Variants in PDS5B observed in about 807,000 individuals in gnomAD.
PDS5B encodes PDS5 cohesin associated factor B, also known as sister chromatid cohesion protein PDS5 homolog B.
A neutral mutation model predicts 184.1 loss-of-function variants in PDS5B; 51 were observed. The ratio of observed to expected loss-of-function variants is 0.28; its 90% CI spans 0.22 to 0.35. PDS5B has a LOEUF of 0.35. Among genes scored for constraint, PDS5B ranks in the 10% least tolerant of loss-of-function variants. The pLI is 1.00. For synonymous variants in PDS5B, 566 were observed against 569.2 expected (o/e 0.99, Z 0.08); for missense variants, 1,180 against 1,723.3 (o/e 0.68, Z 5.58).
chr13:32,679,909 G>GTGTGTGTGTGTGTGTGTC (rs148914027), intron 10 of PDS5B, among the ~76,000 whole-genome samples: 3 of 149,386 alleles, frequency 2.0e-5, no homozygotes, highest in Non-Finnish European at 3.0e-5. Context: ...GTGTGTGTGT[G>GTGTGTGTGTGTGTGTGTC]TGTGTGTCTG....
intron 1 of PDS5B, among the ~76,000 whole-genome samples, chr13:32,615,769 T>C (rs1437231375): frequency 6.6e-6 from 1 of 152,196 alleles, no homozygotes; most frequent in Non-Finnish European, 1.5e-5. Flanking sequence ...AAATATCTCA[T>C]GGTTGCTGGA....
intron 19 of PDS5B, among the ~76,000 whole-genome samples, chr13:32,716,394 C>T (rs548202976): frequency 2.0e-4 from 31 of 151,878 alleles, no homozygotes; most frequent in South Asian, 1.0e-3. Context: ...CCAGCCACCC[C>T]GTTTGAGAAG....
chr13:32,665,255 T>TG, intron 6 of PDS5B, among the ~76,000 whole-genome samples: 1 of 151,986 alleles, frequency 6.6e-6, no homozygotes, highest in African/African-American at 2.4e-5. Flanking sequence ...GCAATAAAGG[T>TG]CTAAATGTGA....
chr13:32,615,512 C>G (rs1156363965), intron 1 of PDS5B, among the ~76,000 whole-genome samples: 1 of 152,164 alleles, frequency 6.6e-6, no homozygotes, highest in East Asian at 1.9e-4. Flanking sequence ...ATGGCTCCTA[C>G]TGGGATCGAT....
chr13:32,679,897 G>GTC (rs1951186929), intron 10 of PDS5B, among the ~76,000 whole-genome samples: 1 of 139,810 alleles, frequency 7.2e-6, no homozygotes, highest in Non-Finnish European at 1.6e-5. Flanking sequence ...GTGTGTGTGT[G>GTC]TGTGTGTGTG....
intron 1 of PDS5B, among the ~76,000 whole-genome samples, chr13:32,590,788 C>A (rs1325808253): frequency 6.6e-6 from 1 of 152,000 alleles, no homozygotes; most frequent in Admixed American, 6.6e-5. Flanking sequence ...AGTTAGCTTT[C>A]AGATATGGGA....
intron 1 of PDS5B, among the ~76,000 whole-genome samples, chr13:32,629,675 A>G (rs1384641528): frequency 1.3e-5 from 2 of 152,116 alleles, no homozygotes; most frequent in African/African-American, 4.8e-5. Flanking sequence ...TTGGTTTTGT[A>G]CCTTGCTTAC....
chr13:32,603,174 C>G (rs542505182), intron 1 of PDS5B, among the ~76,000 whole-genome samples: 3 of 152,194 alleles, frequency 2.0e-5, no homozygotes, highest in African/African-American at 7.2e-5. Flanking sequence ...TTGCCCATGC[C>G]TATGTCCTGA....
chr13:32,642,886 C>A (rs1593317743), intron 1 of PDS5B, among the ~76,000 whole-genome samples: 1 of 152,060 alleles, frequency 6.6e-6, no homozygotes, highest in Non-Finnish European at 1.5e-5. Context: ...AGGATAATTT[C>A]AGAATCAACT....
intron 13 of PDS5B, among the ~76,000 whole-genome samples, chr13:32,692,440 T>TTTTTTTTTTTTTTTTTTTA: frequency 7.0e-6 from 1 of 143,406 alleles, no homozygotes. Context: ...TTTTTTTTTT[T>TTTTTTTTTTTTTTTTTTTA]TTGAGATAGA....
At chr13:32,655,808 G>T (rs976021845) in intron 3 of PDS5B, among the ~76,000 whole-genome samples, 1 of 152,036 alleles carries the variant, frequency 6.6e-6, no homozygotes, top group African/African-American at 2.4e-5. Context: ...CTATTTTGCT[G>T]TGCAGAAGCT....
At chr13:32,686,587 C>T (rs989417907) in intron 11 of PDS5B, among the ~76,000 whole-genome samples, 1 of 152,074 alleles carries the variant, frequency 6.6e-6, no homozygotes, top group Non-Finnish European at 1.5e-5. Context: ...AGTTCGAGAC[C>T]AGCCTGGGCA....
At position 32,720,648 on chromosome 13, in the gene PDS5B, A is replaced by AT. The variant is rs1367283202; in HGVS notation, c.2123+10549dup. On this transcript the variant is annotated intron_variant, in intron 19 of 34. Transcript: ENST00000315596. ...ATTTATTTTATTATTTTTTTTTAAA[A>AT]TTTTTTTAGTATTTATTGATCATTC... is the stretch of plus-strand genomic sequence containing the variant. Among the ~76,000 whole-genome samples, 6 of 150,390 alleles carry AT rather than the reference A, an allele frequency of 4.0e-5. No homozygotes were observed. The South Asian group carries it at 1.1e-3, about 26-fold the overall frequency.
chr13:32,672,097 A>C (rs917826549), intron 7 of PDS5B, among the ~76,000 whole-genome samples: 7 of 152,172 alleles, frequency 4.6e-5, no homozygotes, highest in Admixed American at 4.6e-4. Context: ...GTGTGCTTTT[A>C]ATTGGATTTT....
In PDS5B at chr13:32,675,964, A is replaced by G. The variant is rs775213840; in HGVS notation, c.962+5A>G. ...TTGGCAGTGCTACTTGGGCAGGTAT[A>G]TGATTTTGGTTTCCCATTTAAAAGT... is the stretch of plus-strand genomic sequence containing the variant. On this transcript the variant is annotated splice_donor_5th_base_variant and intron_variant, in intron 9 of 34. Transcript: ENST00000315596. 1.9e-6 allele frequency: 3 copies of G among 1,582,874 alleles called. No individual in the cohort carries two copies. Among genetic ancestry groups the G allele is most frequent in the Non-Finnish European group, 2.6e-6 (3 of 1,152,124 alleles).
At chr13:32,679,215 T>G (rs184867044) in intron 10 of PDS5B, among the ~76,000 whole-genome samples, 2 of 152,302 alleles carry the variant, frequency 1.3e-5, no homozygotes, top group African/African-American at 4.8e-5. Flanking sequence ...CTTAAAATAT[T>G]GAAGAACATT....
chr13:32,653,075 C>G (rs1187323691), intron 3 of PDS5B, among the ~76,000 whole-genome samples: 3 of 152,084 alleles, frequency 2.0e-5, no homozygotes, highest in Non-Finnish European at 4.4e-5. Flanking sequence ...GGGCCGATCA[C>G]CTGAGGTCAG....
intron 1 of PDS5B, among the ~76,000 whole-genome samples, chr13:32,622,444 G>A (rs935618110): frequency 2.0e-5 from 3 of 152,170 alleles, no homozygotes; most frequent in South Asian, 4.1e-4. Context: ...GTTGAGACAT[G>A]GGTTAAGTAC....
chr13:32,723,583 A>C (rs1252084856), intron 19 of PDS5B, among the ~76,000 whole-genome samples: 7 of 152,128 alleles, frequency 4.6e-5, no homozygotes, highest in Non-Finnish European at 7.4e-5. Context: ...GTTTTCTTTT[A>C]AAATAACTGA....
Sources: gnomAD v4.1 joint callset for allele counts (sites outside exome capture counted in the v4.1 genomes callset) on GRCh38, gnomAD v4.1.1 for gene constraint, MANE v1.5 for transcripts, NCBI Gene and HGNC (gene_info 2026-07-23, HGNC 2026-07-21) for gene names.